PRKN: variants seen among roughly 807,000 people sequenced by gnomAD.
PRKN encodes parkin RBR E3 ubiquitin protein ligase, also known as E3 ubiquitin-protein ligase parkin.
PRKN carries 56 observed loss-of-function variants against 59.5 expected under a neutral mutation model. The ratio of observed to expected loss-of-function variants is 0.94; its 90% confidence interval spans 0.76 to 1.18. The LOEUF is 1.18. Among genes scored for constraint, PRKN ranks in the 50% most tolerant of loss-of-function variants. The probability of loss-of-function intolerance (pLI) is 0.00; values close to 1 mark genes in which losing one functional copy is unlikely to be tolerated. For missense variants in PRKN, 657 were observed against 596.4 expected (o/e 1.10, Z -1.06); for synonymous variants, 250 against 222.1 (o/e 1.13, Z -1.12).
intron 4 of PRKN, among the ~76,000 whole-genome samples, chr6:162,148,623 C>G (rs1782130264): frequency 8.0e-6 from 1 of 125,566 alleles, no homozygotes. Context: ...CAAACAGTGA[C>G]CACATATTTA....
chr6:161,642,641 A>G (rs1484698286), intron 7 of PRKN, among the ~76,000 whole-genome samples: 1 of 152,204 alleles, frequency 6.6e-6, no homozygotes, highest in Non-Finnish European at 1.5e-5. Context: ...GTATACACAT[A>G]CTAAGTACCC....
At chr6:162,190,178 C>T (rs1784211284) in intron 4 of PRKN, among the ~76,000 whole-genome samples, 1 of 152,122 alleles carries the variant, frequency 6.6e-6, no homozygotes, top group Non-Finnish European at 1.5e-5. Flanking sequence ...AGTATCGTGC[C>T]CTACAACAAA....
Position 161,851,905 on chromosome 6 carries a change from GGCGAAAACA to G in PRKN, c.735-66006_735-65998del, listed in dbSNP as rs1331346680. ...AGTTTGAGACCAGCCTGGCCAACAT[GGCGAAAACA>G]TATCTCTACCAAAAATACAAAAATT... On this transcript the variant is annotated intron_variant, in intron 6 of 11. Transcript: ENST00000366898. Among the ~76,000 whole-genome samples the G allele has an allele frequency of 5.9e-3, 881 of 149,946 alleles. 8 individuals are homozygous for G. The highest frequency in any genetic ancestry group is 0.02 in the African/African-American group (832 of 40,926).
At chr6:162,287,909 C>A (rs1022485410) in intron 2 of PRKN, among the ~76,000 whole-genome samples, 3 of 152,142 alleles carry the variant, frequency 2.0e-5, no homozygotes, top group African/African-American at 7.2e-5. Context: ...CGTGACTAAC[C>A]CAGCAGCAGA....
chr6:161,993,747 C>T (rs11964513), intron 5 of PRKN, among the ~76,000 whole-genome samples: 35,628 of 152,160 alleles, frequency 0.23, 4,741 homozygotes, highest in African/African-American at 0.37. Flanking sequence ...ATTTGACTTA[C>T]GGTTCTGCAA....
intron 6 of PRKN, among the ~76,000 whole-genome samples, chr6:161,796,330 G>T (rs1259256674): frequency 2.0e-5 from 3 of 152,044 alleles, no homozygotes; most frequent in Non-Finnish European, 4.4e-5. Context: ...AGAGATATTA[G>T]AAATAAAAAA....
At position 161,385,072 on chromosome 6, in the gene PRKN, GGT is replaced by G. The variant is rs1786176534; in HGVS notation, c.1167+1720_1167+1721del. On this transcript the variant is annotated intron_variant, in intron 10 of 11. Transcript: ENST00000366898. The surrounding 1 kb of genome is among the most constrained non-coding windows in gnomAD (Gnocchi z 4.9). ...AGCCTCCTGAATAGCTGGGATTACAGGTGCACGCCACCACACCCAGCTAATTT... is the reference window on the plus strand; with the variant it reads ...AGCCTCCTGAATAGCTGGGATTACAGGCACGCCACCACACCCAGCTAATTT... 6.6e-6 allele frequency among the ~76,000 whole-genome samples: 1 copy of G among 152,094 alleles called. No individual in the cohort carries two copies. Among genetic ancestry groups the G allele is most frequent in the Non-Finnish European group, 1.5e-5 (1 of 68,008 alleles).
chr6:162,500,229 G>C (rs972869416), intron 1 of PRKN, among the ~76,000 whole-genome samples: 1 of 149,928 alleles, frequency 6.7e-6, no homozygotes, highest in African/African-American at 2.5e-5. Context: ...CTGGAGTGCA[G>C]TGCATGATAT....
At position 162,011,402 on chromosome 6, in the gene PRKN, AT is replaced by A. The variant is rs1438240328; in HGVS notation, c.619-37986del. Among the ~76,000 whole-genome samples the A allele has an allele frequency of 4.5e-4, 7 of 15,458 alleles. 1 individual carries two copies. The highest frequency in any genetic ancestry group is 4.1e-3 in the East Asian group (2 of 484). 10.1% of individuals were successfully genotyped at this position (15,458 alleles called of 152,430 possible). On this transcript the variant is annotated intron_variant, in intron 5 of 11. Coordinates refer to ENST00000366898, the MANE Select transcript of PRKN (RefSeq NM_004562.3). Reference sequence around the variant, plus strand: ...TATATATTTATAATATATATTATAAATATATAATATATTATATTTTATAATA... The same window carrying A: ...TATATATTTATAATATATATTATAAAATATAATATATTATATTTTATAATA...
chr6:161,768,581 G>A (rs1789529000), intron 7 of PRKN, among the ~76,000 whole-genome samples: 1 of 152,180 alleles, frequency 6.6e-6, no homozygotes, highest in African/African-American at 2.4e-5. Flanking sequence ...ATTTAAAGGA[G>A]GATATAAAAA....
At chr6:161,620,838 G>A (rs1216734410) in intron 7 of PRKN, among the ~76,000 whole-genome samples, 1 of 152,136 alleles carries the variant, frequency 6.6e-6, no homozygotes, top group Non-Finnish European at 1.5e-5. Context: ...ACGTGTCTTT[G>A]GTTTACAGAG....
chr6:161,595,117 T>C (rs1404349887), intron 7 of PRKN, among the ~76,000 whole-genome samples: 1 of 152,240 alleles, frequency 6.6e-6, no homozygotes, highest in Non-Finnish European at 1.5e-5. Flanking sequence ...AGTGTGACTA[T>C]AAAGTAGTGA....
At chr6:161,408,696 G>A (rs1787390202) in intron 9 of PRKN, among the ~76,000 whole-genome samples, 1 of 152,004 alleles carries the variant, frequency 6.6e-6, no homozygotes, top group Non-Finnish European at 1.5e-5. Context: ...TGGGAATGCT[G>A]TTGGTGGCAA....
In PRKN at chr6:161,397,470, G is replaced by A. The variant is rs998166146; in HGVS notation, c.1084-10593C>T. ...TCTGCCCTTCACATTTGCCCCTTCA[G>A]GGAGCATTCTAACATCAAGCTTAAT... On this transcript the variant is annotated intron_variant, in intron 9 of 11. Transcript: ENST00000366898. The surrounding 1 kb of genome is among the most constrained non-coding windows in gnomAD (Gnocchi z 4.2). Among the ~76,000 whole-genome samples the A allele has an allele frequency of 3.9e-5, 6 of 152,152 alleles. No homozygotes were observed. Among genetic ancestry groups the A allele is most frequent in the African/African-American group, 1.2e-4 (5 of 41,428 alleles).
intron 5 of PRKN, among the ~76,000 whole-genome samples, chr6:161,994,110 C>G (rs192963797): frequency 8.5e-5 from 13 of 152,066 alleles, no homozygotes; most frequent in African/African-American, 3.1e-4. Context: ...ATGCAAAAAT[C>G]CTCAACAAAA....
At chr6:161,992,697 A>C (rs1328675288) in intron 5 of PRKN, among the ~76,000 whole-genome samples, 2 of 152,230 alleles carry the variant, frequency 1.3e-5, no homozygotes, top group Non-Finnish European at 2.9e-5. Flanking sequence ...ATCATATATT[A>C]GGACATAAAA....
chr6:162,608,421 C>A (rs1202248765), intron 1 of PRKN, among the ~76,000 whole-genome samples: 1 of 152,054 alleles, frequency 6.6e-6, no homozygotes, highest in Non-Finnish European at 1.5e-5. Context: ...GTCAAGGTGT[C>A]GGATGCTAAA....
At chr6:162,714,044 T>C (rs552859387) in intron 1 of PRKN, among the ~76,000 whole-genome samples, 2 of 152,298 alleles carry the variant, frequency 1.3e-5, no homozygotes, top group Non-Finnish European at 2.9e-5. Flanking sequence ...AATGTGACGT[T>C]TGATCATTTC....
At chr6:162,000,355 G>A (rs1176290766) in intron 5 of PRKN, among the ~76,000 whole-genome samples, 2 of 151,942 alleles carry the variant, frequency 1.3e-5, no homozygotes, top group Admixed American at 1.3e-4. Flanking sequence ...ATGTGTACTG[G>A]TATCTCATTG....
Sources: gnomAD v4.1 joint callset for allele counts (sites outside exome capture counted in the v4.1 genomes callset) on GRCh38, gnomAD v4.1.1 for gene constraint, Gnocchi (gnomAD v3.1) non-coding constraint, MANE v1.5 for transcripts, NCBI Gene and HGNC (gene_info 2026-07-23, HGNC 2026-07-21) for gene names.